The following PCDH10 variants were observed in gnomAD, a reference collection of about 807,000 sequenced individuals.
PCDH10 encodes protocadherin 10, also known as protocadherin-10.
In PCDH10, 15 loss-of-function variants were observed where a neutral mutation model predicts 74.4. The observed-to-expected ratio is 0.20, with a 90% CI of 0.13 to 0.31. The LOEUF (loss-of-function observed/expected upper bound fraction) is 0.31, where lower values mean the gene tolerates loss of function less well. Ranked by LOEUF, PCDH10 falls within the 10% of genes least tolerant of loss-of-function variation. The probability of loss-of-function intolerance (pLI) is 1.00; values close to 1 mark genes in which losing one functional copy is unlikely to be tolerated. For synonymous variants in PCDH10, 619 were observed against 589.8 expected, an observed-to-expected ratio of 1.05 and a Z score of -0.72; for missense variants, 1,260 against 1,390.2, an observed-to-expected ratio of 0.91 and a Z score of 1.49.
At chr4:133,185,641 A>C (rs1417992656) in intron 4 of PCDH10, among the ~76,000 whole-genome samples, 1 of 152,110 alleles carries the variant, frequency 6.6e-6, no homozygotes, top group Non-Finnish European at 1.5e-5. Context: ...CCTGATGATG[A>C]GGCTTATTGA....
In PCDH10 at chr4:133,182,339, A is replaced by G. The variant is rs116143324; in HGVS notation, c.3104-7802A>G. ...GAAAAGTGTCTAAATGTCACTAAAT[A>G]TTATCAGCTCTGTACTTCTCAAAAA... On this transcript the variant is annotated intron_variant, in intron 4 of 4. Coordinates refer to ENST00000264360, the MANE Select transcript of PCDH10 (RefSeq NM_032961.3). Among the ~76,000 whole-genome samples the G allele has an allele frequency of 1.6e-3, 249 of 152,110 alleles. 1 individual carries two copies. The highest frequency in any genetic ancestry group is 5.8e-3 in the African/African-American group (239 of 41,522).
At chr4:133,179,855 A>G (rs1727376355) in intron 4 of PCDH10, among the ~76,000 whole-genome samples, 1 of 152,088 alleles carries the variant, frequency 6.6e-6, no homozygotes, top group South Asian at 2.1e-4. Flanking sequence ...TAAATGAAAT[A>G]TTCTGAATGG....
rs989233427 is a variant in PCDH10 at position 133,190,990 on chromosome 4, C to T, written c.*830C>T. On this transcript the variant is annotated 3_prime_UTR_variant, in exon 5 of 5. Coordinates refer to ENST00000264360, the MANE Select transcript of PCDH10 (RefSeq NM_032961.3). ...CTAAGCTACAAAATTTTGTCAAAAA[C>T]TCATATTGAATTTTCAATGCCAAAG... 8.5e-5 allele frequency: 13 copies of T among 152,172 alleles called. No individual in the cohort carries two copies. Among genetic ancestry groups the T allele is most frequent in the Non-Finnish European group, 1.8e-4 (12 of 67,856 alleles). 9.4% of individuals were successfully genotyped at this position (152,172 alleles called of 1,614,324 possible).
At chr4:133,161,843 A>G (rs374684943) in intron 3 of PCDH10, among the ~76,000 whole-genome samples, 4 of 152,190 alleles carry the variant, frequency 2.6e-5, no homozygotes, top group African/African-American at 9.6e-5. Flanking sequence ...AAAGTTTGAG[A>G]ATAGGTTGAG....
intron 4 of PCDH10, among the ~76,000 whole-genome samples, chr4:133,188,890 G>C (rs1381299994): frequency 1.3e-5 from 2 of 151,690 alleles, no homozygotes; most frequent in Admixed American, 1.3e-4. Context: ...GGCCAGGCTG[G>C]TTTCAAACTC....
In PCDH10 at chr4:133,151,437, G is replaced by A; in HGVS notation, c.1297G>A (p.Val433Ile). ...REAGDSYTLT[V>I]VARDRGEPAL... ...GGCGGGGGACTCCTACACCCTGACT[G>A]TAGTGGCTCGGGACCGGGGCGAGCC... The change falls in exon 1 of 5, where the codon GTA becomes ATA. Residue 433 changes from valine (V) to isoleucine (I), a missense_variant. Val to Ile is a conservative substitution (Grantham distance 29). Around this residue, in one of 11 missense-constraint regions of PCDH10, gnomAD observed 112 missense variants for 123.6 expected, o/e 0.91. Transcript: ENST00000264360. The A allele has an allele frequency of 6.2e-7, 1 of 1,613,910 alleles. No individual in the cohort carries two copies. Among genetic ancestry groups the A allele is most frequent in the Non-Finnish European group, 8.5e-7 (1 of 1,180,016 alleles).
intron 2 of PCDH10, among the ~76,000 whole-genome samples, chr4:133,199,932 G>A (rs1003993857): frequency 6.6e-6 from 1 of 151,036 alleles, no homozygotes; most frequent in African/African-American, 2.4e-5. Context: ...CGAGCTGCTG[G>A]GACTACAGGT....
In PCDH10 at chr4:133,191,610, T is replaced by C. The variant is rs188588633; in HGVS notation, c.*1450T>C. On this transcript the variant is annotated 3_prime_UTR_variant, in exon 5 of 5. Coordinates refer to ENST00000264360, the MANE Select transcript of PCDH10 (RefSeq NM_032961.3). ...TTCTTTTATATATTTTTTCTACTGT[T>C]GTGTATGCCTTGTTAGAACACATTC... The C allele has an allele frequency of 2.0e-5, 3 of 152,186 alleles. No homozygotes were observed. The East Asian group carries it at 5.8e-4, about 29-fold the overall frequency. The allele number at this position is 152,186 out of a possible 1,614,324, so 9.4% of individuals were successfully genotyped here. A position where few individuals can be genotyped will look rare whatever the true frequency, so the allele number is the denominator to read the frequency against.
chr4:133,162,403 GT>G (rs1169740435), intron 3 of PCDH10, among the ~76,000 whole-genome samples: 3 of 152,022 alleles, frequency 2.0e-5, no homozygotes, highest in Non-Finnish European at 2.9e-5. Flanking sequence ...ATGAAATTGT[GT>G]TTTATTCTTG....
intron 3 of PCDH10, among the ~76,000 whole-genome samples, chr4:133,156,410 C>CGG (rs1314472193): frequency 1.3e-5 from 2 of 152,350 alleles, no homozygotes; most frequent in East Asian, 3.9e-4. Flanking sequence ...CTGCCCCTTG[C>CGG]GGGCCTTCAC....
intron 4 of PCDH10, among the ~76,000 whole-genome samples, chr4:133,187,089 T>C (rs553219707): frequency 6.6e-6 from 1 of 152,254 alleles, no homozygotes; most frequent in Admixed American, 6.5e-5. Flanking sequence ...TGACTAAAAC[T>C]TTAGTAATAG....
chr4:133,165,516 G>T (rs919096741), intron 4 of PCDH10, among the ~76,000 whole-genome samples: 1 of 151,590 alleles, frequency 6.6e-6, no homozygotes, highest in Non-Finnish European at 1.5e-5. Context: ...ATTCAGAATA[G>T]AAATAGTGTC....
At position 133,151,697 on chromosome 4, in the gene PCDH10, C is replaced by T; in HGVS notation, c.1557C>T (p.Asn519=). The T allele has an allele frequency of 1.2e-6, 2 of 1,613,408 alleles. No homozygotes were observed. Among genetic ancestry groups the T allele is most frequent in the Non-Finnish European group, 1.7e-6 (2 of 1,180,050 alleles). The stretch of plus-strand genomic sequence containing the variant: ...GCGTCTTCACCTACGTTTCTATCAA[C>T]TCTGAGAACGGCTACTTGTACGCCC... ...GMSVFTYVSI[N]SENGYLYALR... is the part of the protein sequence containing the mutation. The change falls in exon 1 of 5, where the codon AAC becomes AAT. Residue 519 remains asparagine, a synonymous_variant. Transcript: ENST00000264360.
intron 4 of PCDH10, among the ~76,000 whole-genome samples, chr4:133,185,111 AAC>A (rs1418785969): frequency 6.7e-6 from 1 of 148,426 alleles, no homozygotes; most frequent in Non-Finnish European, 1.5e-5. Context: ...CATATCTAAA[AAC>A]ACAGTAATCA....
intron 2 of PCDH10, among the ~76,000 whole-genome samples, chr4:133,204,510 T>A (rs1320756225): frequency 1.3e-5 from 2 of 152,104 alleles, no homozygotes; most frequent in African/African-American, 2.4e-5. Context: ...AACCCAACCA[T>A]CAGTCATGCC....
exon 3 of PCDH10, chr4:133,208,402 T>C (rs1728093930): frequency 1.3e-5 from 2 of 152,218 alleles, no homozygotes; most frequent in African/African-American, 4.8e-5. Flanking sequence ...TACAGTAATA[T>C]GAAGTATTGA....
At chr4:133,166,033 T>A (rs964776436) in intron 4 of PCDH10, among the ~76,000 whole-genome samples, 15 of 151,680 alleles carry the variant, frequency 9.9e-5, no homozygotes, top group African/African-American at 3.4e-4. Flanking sequence ...GGAGACTTTT[T>A]AAAAATCAGG....
chr4:133,204,201 C>T (rs550372618), intron 2 of PCDH10, among the ~76,000 whole-genome samples: 6 of 152,262 alleles, frequency 3.9e-5, no homozygotes, highest in East Asian at 3.9e-4. Flanking sequence ...GCCTGAACGG[C>T]GGCTCTTGTT....
rs1727663405 is a variant in PCDH10 at position 133,191,320 on chromosome 4, T to C, written c.*1160T>C. The C allele has an allele frequency of 6.6e-6, 1 of 152,184 alleles. No homozygotes were observed. Among genetic ancestry groups the C allele is most frequent in the African/African-American group, 2.4e-5 (1 of 41,428 alleles). 9.4% of individuals were successfully genotyped at this position (152,184 alleles called of 1,614,324 possible). ...CACATGAATATAAAATCTATAATTC[T>C]ATATGAATATATAGAGATATAGAAA... On this transcript the variant is annotated 3_prime_UTR_variant, in exon 5 of 5. Coordinates refer to ENST00000264360, the MANE Select transcript of PCDH10 (RefSeq NM_032961.3).
Sources: allele counts gnomAD v4.1 joint callset (sites outside exome capture counted in the v4.1 genomes callset), GRCh38; gene constraint gnomAD v4.1.1; regional missense constraint gnomAD v4.1.1; transcripts MANE v1.5; gene names NCBI Gene and HGNC (gene_info 2026-07-23, HGNC 2026-07-21).